The following ALG6 variants were observed in gnomAD, a reference collection of about 807,000 sequenced individuals.
ALG6 encodes the protein dolichyl pyrophosphate Man9GlcNAc2 alpha-1,3-glucosyltransferase.
Under a neutral mutation model 66.6 loss-of-function variants are expected in ALG6, and 46 were observed. That is an observed-to-expected ratio of 0.69 (90% CI 0.55 to 0.88). The LOEUF (loss-of-function observed/expected upper bound fraction) is 0.88, where lower values mean the gene tolerates loss of function less well. ALG6 is among the 40% of genes least tolerant of loss of function. ALG6 has a pLI of 0.00. For synonymous variants in ALG6, 185 were observed against 203.7 expected (o/e 0.91, Z 0.78); for missense variants, 505 against 586.8 (o/e 0.86, Z 1.44).
rs1341757426 is a variant in ALG6, at chr1:63,411,112, G to A, written c.495-34G>A. The stretch of plus-strand genomic sequence containing the variant: ...TTTTAAAAGCTCTATCTTTTTAAAA[G>A]ATTATTGAGATAATTTCCTTGACAC... On this transcript the variant is annotated intron_variant, in intron 7 of 14. Coordinates refer to ENST00000263440, the MANE Select transcript of ALG6 (RefSeq NM_013339.4). 4 of 1,609,512 alleles carry A rather than the reference G, an allele frequency of 2.5e-6. 1 individual carries two copies. Among genetic ancestry groups the A allele is most frequent in the Non-Finnish European group, 2.5e-6 (3 of 1,177,400 alleles).
intron 2 of ALG6, among the ~76,000 whole-genome samples, chr1:63,394,904 C>T (rs1325809191): frequency 3.3e-5 from 5 of 149,382 alleles, no homozygotes; most frequent in South Asian, 2.1e-4. Context: ...CTCACTCTGT[C>T]GCCCAGGCTG....
At chr1:63,421,468 C>T (rs1045976705) in intron 12 of ALG6, among the ~76,000 whole-genome samples, 2 of 152,160 alleles carry the variant, frequency 1.3e-5, no homozygotes, top group Non-Finnish European at 2.9e-5. Context: ...AATCCCATTA[C>T]TGAGTATATA....
chr1:63,422,116 TA>T lies in ALG6; in HGVS notation c.1058+2679del, dbSNP rs1238568482. 8.8e-5 allele frequency among the ~76,000 whole-genome samples: 7 copies of T among 79,918 alleles called. No homozygotes were observed. The Admixed American group carries it at 1.3e-3, about 14-fold the overall frequency. 52.4% of individuals were successfully genotyped at this position (79,918 alleles called of 152,430 possible). On this transcript the variant is annotated intron_variant, in intron 12 of 14. Coordinates refer to ENST00000263440, the MANE Select transcript of ALG6 (RefSeq NM_013339.4). ...ATAAATATATAAATATAAATATATA[TA>T]AATATATAAATAAATATATAAATAT...
chr1:63,397,202 T>C (rs556651771), intron 3 of ALG6, among the ~76,000 whole-genome samples: 60 of 152,160 alleles, frequency 3.9e-4, no homozygotes, highest in African/African-American at 1.3e-3. Flanking sequence ...CTTTTTTTTT[T>C]TGAGATGGAG....
rs12135393 is a variant in ALG6, at chr1:63,413,769, A to G, written c.817-292A>G. The G allele has an allele frequency of 0.4, 92,907 of 234,994 alleles. 19,411 individuals carry two copies. Among genetic ancestry groups the G allele is most frequent in the African/African-American group, 0.53 (23,344 of 44,092 alleles). The allele number at this position is 234,994 out of a possible 1,614,324, so 14.6% of individuals were successfully genotyped here. Reference sequence around the variant, plus strand: ...TTAGAAAAATTTCCAAAGATGAAGGACTTTAGTATTCAGGGATAGTGCACT... The same window carrying G: ...TTAGAAAAATTTCCAAAGATGAAGGGCTTTAGTATTCAGGGATAGTGCACT... On this transcript the variant is annotated intron_variant, in intron 9 of 14. Coordinates refer to ENST00000263440, the MANE Select transcript of ALG6 (RefSeq NM_013339.4).
At chr1:63,422,238 T>TCG (rs1644583459) in intron 12 of ALG6, among the ~76,000 whole-genome samples, 6,871 of 73,884 alleles carry the variant, frequency 0.093, 749 homozygotes, top group Middle Eastern at 0.19. Context: ...TATAAATATA[T>TCG]ATATAAATAT....
At chr1:63,384,125 G>A (rs1648425938) in intron 2 of ALG6, among the ~76,000 whole-genome samples, 2 of 152,162 alleles carry the variant, frequency 1.3e-5, no homozygotes, top group African/African-American at 4.8e-5. Flanking sequence ...ACATAAGAGT[G>A]GAGCTATCTT....
intron 3 of ALG6, among the ~76,000 whole-genome samples, chr1:63,401,178 T>G (rs1041694257): frequency 6.6e-6 from 1 of 152,204 alleles, no homozygotes; most frequent in Non-Finnish European, 1.5e-5. Context: ...ATGTCTTGGC[T>G]GTCTACCATG....
chr1:63,371,944 G>A (rs965064721), intron 2 of ALG6, among the ~76,000 whole-genome samples: 1 of 152,170 alleles, frequency 6.6e-6, no homozygotes, highest in South Asian at 2.1e-4. Flanking sequence ...ACAACAGAGG[G>A]TGATAATTAT....
chr1:63,422,783 C>T (rs930202771), intron 12 of ALG6, among the ~76,000 whole-genome samples: 5 of 151,740 alleles, frequency 3.3e-5, no homozygotes, highest in African/African-American at 1.2e-4. Flanking sequence ...TGGAGAAACC[C>T]TGTCTCTACT....
intron 12 of ALG6, among the ~76,000 whole-genome samples, chr1:63,421,455 A>G (rs1269201984): frequency 6.6e-6 from 1 of 152,222 alleles, no homozygotes; most frequent in East Asian, 1.9e-4. Context: ...CATTTGACCC[A>G]GCAATCCCAT....
At chr1:63,420,070 A>G (rs1270249290) in intron 12 of ALG6, among the ~76,000 whole-genome samples, 1 of 152,108 alleles carries the variant, frequency 6.6e-6, no homozygotes, top group African/African-American at 2.4e-5. Flanking sequence ...CCCTCACCCT[A>G]TGTTCACTAG....
At chr1:63,371,150 C>T (rs2100378634) in intron 2 of ALG6, 91 bp downstream of exon 2, 2 of 853,920 alleles carry the variant, frequency 2.3e-6, no homozygotes, top group Admixed American at 4.0e-5. Context: ...CTGACCAGTA[C>T]AGAGAAGAAT....
chr1:63,403,527 C>T (rs1340431921), intron 4 of ALG6, among the ~76,000 whole-genome samples: 2 of 152,168 alleles, frequency 1.3e-5, no homozygotes, highest in South Asian at 2.1e-4. Context: ...TGAGGAACCT[C>T]TTCACAATAT....
chr1:63,413,649 T>C (rs1644527381), intron 9 of ALG6: 1 of 169,062 alleles, frequency 5.9e-6, no homozygotes, highest in African/African-American at 2.4e-5. Context: ...TGCTAGTAGC[T>C]AGCAGGTTAC....
intron 2 of ALG6, among the ~76,000 whole-genome samples, chr1:63,392,976 G>A (rs1052868341): frequency 2.6e-5 from 4 of 152,290 alleles, no homozygotes; most frequent in African/African-American, 7.2e-5. Flanking sequence ...CTATTTGTTA[G>A]AGAATGGTAA....
intron 14 of ALG6, among the ~76,000 whole-genome samples, chr1:63,434,438 T>G (rs968532734): frequency 2.6e-5 from 4 of 151,722 alleles, no homozygotes; most frequent in Non-Finnish European, 4.4e-5. Flanking sequence ...AGACCAAGAG[T>G]TTTTTACATG....
intron 2 of ALG6, among the ~76,000 whole-genome samples, chr1:63,388,482 C>T (rs1470080891): frequency 6.6e-6 from 1 of 152,204 alleles, no homozygotes; most frequent in African/African-American, 2.4e-5. Context: ...AAAAACTCTA[C>T]ACTTTATTCC....
intron 4 of ALG6, among the ~76,000 whole-genome samples, chr1:63,404,108 A>T (rs995132481): frequency 7.9e-5 from 12 of 152,206 alleles, no homozygotes; most frequent in African/African-American, 2.9e-4. Context: ...AATTGTAAAG[A>T]TGATCCTCTG....
Sources: allele counts gnomAD v4.1 joint callset (sites outside exome capture counted in the v4.1 genomes callset), GRCh38; gene constraint gnomAD v4.1.1; transcripts MANE v1.5; gene names NCBI Gene and HGNC (gene_info 2026-07-23, HGNC 2026-07-21).